CPA4: variants seen among roughly 807,000 people sequenced by gnomAD.
CPA4 encodes the protein carboxypeptidase A4.
Under a neutral mutation model 54.7 loss-of-function variants are expected in CPA4, and 49 were observed. The observed-to-expected ratio is 0.90, with a 90% confidence interval of 0.71 to 1.14. The LOEUF is 1.14. Ranked by LOEUF, CPA4 falls within the 50% of genes most tolerant of loss-of-function variation. The pLI is 0.00. For missense variants in CPA4, 487 were observed against 525.1 expected, an observed-to-expected ratio of 0.93 and a Z score of 0.71; for synonymous variants, 215 against 206.8, an observed-to-expected ratio of 1.04 and a Z score of -0.34.
chr7:130,294,559 A>T (rs558372143), intron 1 of CPA4, among the ~76,000 whole-genome samples: 4 of 152,338 alleles, frequency 2.6e-5, no homozygotes, highest in African/African-American at 9.6e-5. Flanking sequence ...GCAGCTATTC[A>T]TGTGGCTGAA....
At chr7:130,300,774 G>A (rs750573610) in intron 3 of CPA4, 42 bp from the exon 4 acceptor site, 41 of 1,382,560 alleles carry the variant, frequency 3.0e-5, no homozygotes, top group South Asian at 2.3e-4. Context: ...ATAAACCTGC[G>A]TCTGCAATGG....
chr7:130,311,876 A>G (rs1793920180), intron 9 of CPA4, among the ~76,000 whole-genome samples, 162 bp from the exon 10 acceptor site: 1 of 152,110 alleles, frequency 6.6e-6, no homozygotes, highest in Non-Finnish European at 1.5e-5. Context: ...CACCTCCCTC[A>G]GTTTACAGTT....
At chr7:130,320,638 G>A (rs1794077566) in intron 10 of CPA4, among the ~76,000 whole-genome samples, 1 of 152,170 alleles carries the variant, frequency 6.6e-6, no homozygotes, top group Non-Finnish European at 1.5e-5. Flanking sequence ...ATACTCACTA[G>A]ATCTGAAGTT....
intron 9 of CPA4, among the ~76,000 whole-genome samples, chr7:130,311,375 G>A (rs1220407417): frequency 1.3e-5 from 2 of 152,234 alleles, no homozygotes; most frequent in African/African-American, 2.4e-5. Context: ...GGTGCTCTGT[G>A]TCTCATCCAG....
chr7:130,304,380 G>T (rs1446999117), intron 4 of CPA4, 98 bp from the exon 5 acceptor site: 1 of 813,908 alleles, frequency 1.2e-6, no homozygotes, highest in East Asian at 2.4e-5. Context: ...TTAGGGTCCC[G>T]GAAGAGATAG....
intron 3 of CPA4, among the ~76,000 whole-genome samples, chr7:130,300,448 G>A (rs1793722230): frequency 6.7e-6 from 1 of 148,996 alleles, no homozygotes; most frequent in African/African-American, 2.5e-5. Flanking sequence ...CGATTCTCCT[G>A]CCTCAGCCTC....
At chr7:130,314,837 C>T (rs1219803896) in intron 10 of CPA4, among the ~76,000 whole-genome samples, 2 of 151,980 alleles carry the variant, frequency 1.3e-5, no homozygotes, top group Admixed American at 6.6e-5. Context: ...GGTTAGGAAG[C>T]GACGAAAGTT....
chr7:130,304,710 C>G (rs1478376334), intron 5 of CPA4, 131 bp downstream of exon 5: 6 of 674,146 alleles, frequency 8.9e-6, no homozygotes, highest in Non-Finnish European at 1.6e-5. Flanking sequence ...CACATTGTAC[C>G]TGGGCTGGAA....
intron 9 of CPA4, 24 bp downstream of exon 9, chr7:130,311,010 C>T: frequency 1.2e-6 from 2 of 1,603,628 alleles, no homozygotes; most frequent in Non-Finnish European, 8.5e-7. Flanking sequence ...GCCTCCCACC[C>T]AGCCTGGGGC....
chr7:130,313,854 G>A (rs1438556245), intron 10 of CPA4, among the ~76,000 whole-genome samples: 2 of 152,230 alleles, frequency 1.3e-5, no homozygotes, highest in Admixed American at 6.5e-5. Context: ...TGTAAATACA[G>A]GTGGAGATAT....
intron 4 of CPA4, among the ~76,000 whole-genome samples, chr7:130,303,293 C>T (rs532103238): frequency 6.6e-6 from 1 of 152,164 alleles, no homozygotes; most frequent in South Asian, 2.1e-4. Context: ...TATTTTTAGC[C>T]GTTTATTTAC....
intron 1 of CPA4, chr7:130,293,654 G>T: frequency 4.9e-6 from 1 of 202,842 alleles, no homozygotes; most frequent in South Asian, 8.1e-5. Flanking sequence ...CATGCATAAA[G>T]GGAAACCCTG....
rs1793861406 is a variant in CPA4 at position 130,308,484 on chromosome 7, C to T, written c.793+87C>T. On this transcript the variant is annotated intron_variant, in intron 8 of 10. Transcript: ENST00000222482. ...GCTCTGAGCTGGCCGGGACGGAGCG[C>T]GTTTCCACTTTGGTTCCGTTGCTGC... 3.7e-6 allele frequency: 4 copies of T among 1,067,348 alleles called. No homozygotes were observed. The South Asian group carries it at 3.9e-5, about 10-fold the overall frequency. The allele number at this position is 1,067,348 out of a possible 1,614,324, so 66.1% of individuals were successfully genotyped here. A position where few individuals can be genotyped will look rare whatever the true frequency, so the allele number is the denominator to read the frequency against.
chr7:130,309,190 A>G (rs1009728590), intron 8 of CPA4, among the ~76,000 whole-genome samples: 5 of 152,204 alleles, frequency 3.3e-5, no homozygotes, highest in Non-Finnish European at 4.4e-5. Flanking sequence ...TTGAAAGGGA[A>G]TGATAGTGAT....
At chr7:130,302,556 G>A (rs1275928628) in intron 4 of CPA4, among the ~76,000 whole-genome samples, 1 of 151,884 alleles carries the variant, frequency 6.6e-6, no homozygotes, top group Non-Finnish European at 1.5e-5. Context: ...TAGGTCTCTA[G>A]TGGGAATTTC....
At position 130,299,267 on chromosome 7, in the gene CPA4, C is replaced by T; in HGVS notation, c.151-3C>T. ...AACCTGGTTTCATTTCTGTTCCCTTCAGCTCAATTTCTGGAAATCTCCCTC... is the reference window on the plus strand; with the variant it reads ...AACCTGGTTTCATTTCTGTTCCCTTTAGCTCAATTTCTGGAAATCTCCCTC... On this transcript the variant is annotated splice_polypyrimidine_tract_variant and splice_region_variant and intron_variant, in intron 2 of 10. Coordinates refer to ENST00000222482, the MANE Select transcript of CPA4 (RefSeq NM_016352.4). The T allele has an allele frequency of 6.2e-7, 1 of 1,613,780 alleles. No individual in the cohort carries two copies. Among genetic ancestry groups the T allele is most frequent in the Non-Finnish European group, 8.5e-7 (1 of 1,179,642 alleles).
intron 3 of CPA4, 184 bp downstream of exon 3, chr7:130,299,588 C>A: frequency 1.7e-6 from 1 of 580,896 alleles, no homozygotes; most frequent in East Asian, 2.9e-5. Context: ...GTAGAAAGGG[C>A]ATAAATAGGC....
chr7:130,299,533 AT>A, intron 3 of CPA4, 129 bp downstream of exon 3: 2 of 828,734 alleles, frequency 2.4e-6, no homozygotes, highest in Non-Finnish European at 3.8e-6. Context: ...ATGGAGGCAA[AT>A]GGAAGTAAAG....
At chr7:130,296,341 G>A (rs1309032686) in intron 1 of CPA4, among the ~76,000 whole-genome samples, 1 of 152,210 alleles carries the variant, frequency 6.6e-6, no homozygotes, top group African/African-American at 2.4e-5. Context: ...TAGCTTGGCT[G>A]ATTAGAGCAG....
Sources: allele counts gnomAD v4.1 joint callset (sites outside exome capture counted in the v4.1 genomes callset), GRCh38; gene constraint gnomAD v4.1.1; transcripts MANE v1.5; gene names NCBI Gene and HGNC (gene_info 2026-07-23, HGNC 2026-07-21).